The following CALCRL variants were observed in gnomAD, a reference collection of about 807,000 sequenced individuals.
CALCRL encodes the protein calcitonin gene-related peptide type 1 receptor.
Under a neutral mutation model 60.4 loss-of-function variants are expected in CALCRL, and 27 were observed. That is an observed-to-expected ratio of 0.45 (90% confidence interval 0.33 to 0.62). The LOEUF (loss-of-function observed/expected upper bound fraction) is 0.62. Among genes scored for constraint, CALCRL ranks in the 20% least tolerant of loss-of-function variants. The pLI is 0.03. For missense variants in CALCRL, 424 were observed against 540.7 expected (o/e 0.78, Z 2.14); for synonymous variants, 190 against 182.6 (o/e 1.04, Z -0.33).
chr2:187,441,249 G>C (rs1690894660), intron 1 of CALCRL, among the ~76,000 whole-genome samples: 1 of 151,740 alleles, frequency 6.6e-6, no homozygotes, highest in South Asian at 2.1e-4. Flanking sequence ...AATAACTGAA[G>C]GTTTGCTACG....
At chr2:187,447,672 C>T (rs964120311) in intron 1 of CALCRL, among the ~76,000 whole-genome samples, 2 of 151,760 alleles carry the variant, frequency 1.3e-5, no homozygotes, top group Non-Finnish European at 2.9e-5. Context: ...GTTTAAAGAC[C>T]CTTCCGGGGG....
chr2:187,357,644 G>T (rs950160268), intron 12 of CALCRL, among the ~76,000 whole-genome samples: 5 of 132,644 alleles, frequency 3.8e-5, no homozygotes, highest in Non-Finnish European at 6.3e-5. Flanking sequence ...CACCTATGTT[G>T]TGGGGTCGGG....
intron 9 of CALCRL, among the ~76,000 whole-genome samples, chr2:187,363,104 A>G (rs549000695): frequency 6.6e-6 from 1 of 152,134 alleles, no homozygotes; most frequent in Non-Finnish European, 1.5e-5. Flanking sequence ...CAAAGAAATT[A>G]TTACACTTTT....
At chr2:187,435,772 TTA>T (rs1690610851) in intron 1 of CALCRL, among the ~76,000 whole-genome samples, 1 of 152,036 alleles carries the variant, frequency 6.6e-6, no homozygotes, top group African/African-American at 2.4e-5. Context: ...AATGTATAAA[TTA>T]TATATGATTT....
chr2:187,381,715 A>G (rs1687993507), intron 5 of CALCRL, among the ~76,000 whole-genome samples: 1 of 152,146 alleles, frequency 6.6e-6, no homozygotes, highest in African/African-American at 2.4e-5. Context: ...CGGCCTCCCA[A>G]AGTGCTGAGA....
chr2:187,442,020 C>A (rs1486449398), intron 1 of CALCRL: 2 of 149,452 alleles, frequency 1.3e-5, no homozygotes, highest in Non-Finnish European at 3.0e-5. Flanking sequence ...CTTTTGAATT[C>A]TGTTCCTTAC....
In CALCRL at chr2:187,380,529, C is replaced by T. The variant is rs1266990120; in HGVS notation, c.346G>A (p.Ala116Thr). 1.9e-6 allele frequency: 3 copies of T among 1,613,386 alleles called. No individual in the cohort carries two copies. The South Asian group carries it at 3.3e-5, about 18-fold the overall frequency. Reference protein sequence around the residue: ...DQDGNWFRHPASNRTWTNYTQ... With the variant: ...DQDGNWFRHPTSNRTWTNYTQ... ...TAATTTGTCCATGTTCTGTTGCTTG[C>T]TGGATGTCTAAACCAGTTTCCATCT... Residue 116 changes from alanine to threonine, a missense_variant, in exon 7 of 15, where the codon GCA becomes ACA. Ala to Thr is a moderately conservative substitution (Grantham distance 58, BLOSUM62 0). Coordinates refer to ENST00000392370, the MANE Select transcript of CALCRL (RefSeq NM_005795.6).
At chr2:187,415,868 A>T in intron 1 of CALCRL, 1 of 304,170 alleles carries the variant, frequency 3.3e-6, no homozygotes, top group East Asian at 7.9e-5. Context: ...CACCAGCCCC[A>T]GCAAGAGCAC....
intron 1 of CALCRL, among the ~76,000 whole-genome samples, chr2:187,416,296 G>A (rs1171780296): frequency 6.6e-6 from 1 of 152,098 alleles, no homozygotes; most frequent in Non-Finnish European, 1.5e-5. Flanking sequence ...AGGACATTCA[G>A]CACTTATAAT....
intron 1 of CALCRL, among the ~76,000 whole-genome samples, chr2:187,432,755 C>A (rs1441266570): frequency 6.6e-6 from 1 of 152,074 alleles, no homozygotes; most frequent in Non-Finnish European, 1.5e-5. Flanking sequence ...AGTCAACACA[C>A]TGCATTAGGA....
intron 1 of CALCRL, among the ~76,000 whole-genome samples, chr2:187,403,593 G>T (rs1688990161): frequency 6.6e-6 from 1 of 151,888 alleles, no homozygotes; most frequent in Non-Finnish European, 1.5e-5. Context: ...TAGTAACAAG[G>T]TGAACTGGAT....
chr2:187,402,760 G>T (rs922208613), intron 1 of CALCRL, among the ~76,000 whole-genome samples: 5 of 151,770 alleles, frequency 3.3e-5, no homozygotes, highest in Non-Finnish European at 1.5e-5. Context: ...TGCCATGGCA[G>T]CATCCTGAGA....
chr2:187,404,616 G>A (rs373129265), intron 1 of CALCRL, among the ~76,000 whole-genome samples: 17 of 150,744 alleles, frequency 1.1e-4, no homozygotes, highest in East Asian at 3.9e-4. Flanking sequence ...AGCTTGGCTC[G>A]TAGTTTACCG....
At chr2:187,376,693 T>C (rs1010230478) in intron 8 of CALCRL, among the ~76,000 whole-genome samples, 3 of 152,146 alleles carry the variant, frequency 2.0e-5, no homozygotes, top group African/African-American at 7.2e-5. Context: ...ACTTTACTTA[T>C]CTTTACTAAA....
intron 1 of CALCRL, among the ~76,000 whole-genome samples, chr2:187,397,267 T>C (rs1420634400): frequency 6.6e-6 from 1 of 151,674 alleles, no homozygotes; most frequent in Non-Finnish European, 1.5e-5. Flanking sequence ...TCTTGAGTTT[T>C]TTTTTATCTT....
At chr2:187,407,120 A>G (rs984352894) in intron 1 of CALCRL, among the ~76,000 whole-genome samples, 4 of 151,880 alleles carry the variant, frequency 2.6e-5, no homozygotes, top group Non-Finnish European at 4.4e-5. Context: ...TTTCTTTTTT[A>G]TCTTCCCCAC....
intron 1 of CALCRL, among the ~76,000 whole-genome samples, chr2:187,394,347 A>G (rs1156994262): frequency 1.3e-5 from 2 of 152,220 alleles, no homozygotes; most frequent in East Asian, 1.9e-4. Context: ...TATTTTGACC[A>G]TGTAACACTT....
chr2:187,365,713 T>A (rs1297610680), intron 8 of CALCRL, among the ~76,000 whole-genome samples: 1 of 152,176 alleles, frequency 6.6e-6, no homozygotes, highest in Non-Finnish European at 1.5e-5. Flanking sequence ...ATAGAACTAT[T>A]CTGCCATTAA....
At chr2:187,361,366 AAG>A (rs1398915221) in intron 9 of CALCRL, among the ~76,000 whole-genome samples, 1 of 151,926 alleles carries the variant, frequency 6.6e-6, no homozygotes, top group South Asian at 2.1e-4. Flanking sequence ...AACAGGCAGG[AAG>A]AGAGACATTC....
Sources: allele counts gnomAD v4.1 joint callset (sites outside exome capture counted in the v4.1 genomes callset), GRCh38; gene constraint gnomAD v4.1.1; transcripts MANE v1.5; gene names NCBI Gene and HGNC (gene_info 2026-07-23, HGNC 2026-07-21).